Variants in FSHR observed in about 807,000 individuals in gnomAD.
The protein encoded by FSHR is follicle stimulating hormone receptor, also known as follicle-stimulating hormone receptor.
FSHR carries 46 observed loss-of-function variants against 52.1 expected under a neutral mutation model. The ratio of observed to expected loss-of-function variants is 0.88; its 90% CI spans 0.70 to 1.13. The LOEUF (loss-of-function observed/expected upper bound fraction) is 1.13, where lower values mean the gene tolerates loss of function less well. FSHR is among the 50% of genes most tolerant of loss of function. The pLI, the probability that FSHR is intolerant of heterozygous loss-of-function variation, is 0.00. For missense variants in FSHR, 964 were observed against 834.6 expected (o/e 1.16, Z -1.91); for synonymous variants, 399 against 309.6 (o/e 1.29, Z -3.03).
In FSHR at chr2:49,131,086, A is replaced by T. The variant is rs191712929; in HGVS notation, c.152+23180T>A. Among the ~76,000 whole-genome samples, 3 of 152,328 alleles carry T rather than the reference A, an allele frequency of 2.0e-5. No homozygotes were observed. In the East Asian group the frequency reaches 5.8e-4, roughly 29 times the overall value. ...AATAAAATTAGATGAGCCATGTATC[A>T]GTAGCTGGTGGACTGCTCACCTTAA... On this transcript the variant is annotated intron_variant, in intron 1 of 9. Coordinates refer to ENST00000406846, the MANE Select transcript of FSHR (RefSeq NM_000145.4).
intron 1 of FSHR, among the ~76,000 whole-genome samples, chr2:49,073,767 C>G (rs1487777366): frequency 6.6e-6 from 1 of 152,030 alleles, no homozygotes; most frequent in Non-Finnish European, 1.5e-5. Context: ...TTATATGCAT[C>G]ACATTCTCAG....
At chr2:49,012,182 C>A (rs957040230) in intron 4 of FSHR, among the ~76,000 whole-genome samples, 1 of 152,090 alleles carries the variant, frequency 6.6e-6, no homozygotes, top group Non-Finnish European at 1.5e-5. Context: ...AGAGAAACAT[C>A]CAGCTGCCTG....
chr2:48,988,273 T>C (rs1479724069), intron 6 of FSHR, among the ~76,000 whole-genome samples: 1 of 152,226 alleles, frequency 6.6e-6, no homozygotes, highest in Non-Finnish European at 1.5e-5. Flanking sequence ...GATAAAATGC[T>C]TTTCATATCT....
rs538046429 is a variant in FSHR, at chr2:48,976,766, G to A, written c.668+6146C>T. Among the ~76,000 whole-genome samples the A allele has an allele frequency of 1.4e-4, 22 of 152,240 alleles. No homozygotes were observed. In the East Asian group the frequency reaches 4.2e-3, roughly 29 times the overall value. ...TTCTTTTACATTTTTTAGTTTATTTGCATAGAGGTGTTTATAGTATTCTCT... is the reference window on the plus strand; with the variant it reads ...TTCTTTTACATTTTTTAGTTTATTTACATAGAGGTGTTTATAGTATTCTCT... On this transcript the variant is annotated intron_variant, in intron 8 of 9. Transcript: ENST00000406846.
At chr2:49,140,273 A>G (rs1305359115) in intron 1 of FSHR, among the ~76,000 whole-genome samples, 1 of 151,856 alleles carries the variant, frequency 6.6e-6, no homozygotes, top group African/African-American at 2.4e-5. Context: ...AGTTCACACA[A>G]ATCTGGTCGT....
At chr2:49,076,496 A>C (rs1669955378) in intron 1 of FSHR, among the ~76,000 whole-genome samples, 1 of 152,204 alleles carries the variant, frequency 6.6e-6, no homozygotes, top group African/African-American at 2.4e-5. Context: ...TGGGAATTCA[A>C]GATAAGAGTT....
At chr2:49,074,753 G>A (rs1424592621) in intron 1 of FSHR, among the ~76,000 whole-genome samples, 2 of 151,110 alleles carry the variant, frequency 1.3e-5, no homozygotes, top group Non-Finnish European at 3.0e-5. Flanking sequence ...TACTCCAATA[G>A]CTAAGGTATG....
At chr2:48,973,045 C>T (rs917943) in intron 8 of FSHR, among the ~76,000 whole-genome samples, 1,848 of 152,174 alleles carry the variant, frequency 0.012, 45 homozygotes, top group African/African-American at 0.042. Flanking sequence ...GTGATGTCTT[C>T]GGATAAAAGA....
chr2:49,021,831 T>TTTTCTCTCTCTCTCTCTCTC (rs760578631), intron 2 of FSHR, among the ~76,000 whole-genome samples: 17 of 46,456 alleles, frequency 3.7e-4, no homozygotes, highest in Admixed American at 1.0e-3. Context: ...GGGTATGTGT[T>TTTTCTCTCTCTCTCTCTCTC]TCTCTCTCTC....
chr2:48,999,849 C>T (rs979892014), intron 4 of FSHR, among the ~76,000 whole-genome samples: 2 of 152,100 alleles, frequency 1.3e-5, no homozygotes, highest in East Asian at 1.9e-4. Context: ...TTTGGACTCC[C>T]ACATCATTGT....
chr2:49,020,921 C>G (rs993736836), intron 2 of FSHR, among the ~76,000 whole-genome samples: 1 of 152,054 alleles, frequency 6.6e-6, no homozygotes, highest in Non-Finnish European at 1.5e-5. Context: ...GGGAACAACA[C>G]ACACTGGGGC....
chr2:49,051,907 A>T (rs11902601), intron 2 of FSHR, among the ~76,000 whole-genome samples: 9,809 of 152,166 alleles, frequency 0.064, 1,057 homozygotes, highest in African/African-American at 0.22. Flanking sequence ...TTTTTCCAAT[A>T]TGGATACAAA....
chr2:48,982,133 A>G (rs1267296838), intron 8 of FSHR, among the ~76,000 whole-genome samples: 2 of 152,022 alleles, frequency 1.3e-5, no homozygotes, highest in Non-Finnish European at 2.9e-5. Context: ...TTGTCCCCCC[A>G]CCAAAGAAGC....
intron 2 of FSHR, among the ~76,000 whole-genome samples, chr2:49,048,695 C>T (rs77698912): frequency 0.018 from 2,707 of 152,318 alleles, 42 homozygotes; most frequent in Non-Finnish European, 0.026. Context: ...TTCATTTAGG[C>T]TTCTCTAGCA....
intron 2 of FSHR, among the ~76,000 whole-genome samples, chr2:49,067,181 T>C (rs1669537406): frequency 6.6e-6 from 1 of 152,146 alleles, no homozygotes; most frequent in Non-Finnish European, 1.5e-5. Context: ...ATCGAGGTTA[T>C]GCAGTAATTT....
intron 4 of FSHR, among the ~76,000 whole-genome samples, chr2:48,998,051 A>G (rs1415281606): frequency 2.0e-5 from 3 of 152,108 alleles, no homozygotes; most frequent in African/African-American, 7.2e-5. Flanking sequence ...TCTGATCAGG[A>G]TCATACTATC....
chr2:48,990,629 G>A lies in FSHR; in HGVS notation c.383C>T (p.Ser128Phe). 2 of 1,604,492 alleles carry A rather than the reference G, an allele frequency of 1.2e-6. No homozygotes were observed. Among genetic ancestry groups the A allele is most frequent in the Non-Finnish European group, 1.7e-6 (2 of 1,171,386 alleles). The stretch of plus-strand genomic sequence containing the variant: ...TGGAAGGTGCTTAATACCTGTGTTG[G>A]ATATTAACCTAGAGAGAAACAAAAT... ...NLPNLQYLLI[S>F]NTGIKHLPDV... The change falls in exon 5 of 10, where the codon TCC becomes TTC. Residue 128 changes from serine to phenylalanine, a missense_variant. Coordinates refer to ENST00000406846, the MANE Select transcript of FSHR (RefSeq NM_000145.4).
intron 2 of FSHR, among the ~76,000 whole-genome samples, chr2:49,057,128 C>A (rs1572688775): frequency 6.6e-6 from 1 of 151,676 alleles, no homozygotes; most frequent in Non-Finnish European, 1.5e-5. Flanking sequence ...AAGAACAAAC[C>A]AAACCAAAAA....
chr2:48,991,690 G>T (rs1453648121), intron 4 of FSHR, among the ~76,000 whole-genome samples: 1 of 152,174 alleles, frequency 6.6e-6, no homozygotes, highest in East Asian at 1.9e-4. Flanking sequence ...GGAACTGGCT[G>T]CCAGAACAAT....
Sources: allele counts gnomAD v4.1 joint callset (sites outside exome capture counted in the v4.1 genomes callset), GRCh38; gene constraint gnomAD v4.1.1; transcripts MANE v1.5; gene names NCBI Gene and HGNC (gene_info 2026-07-23, HGNC 2026-07-21).